RCC1: variants seen among roughly 807,000 people sequenced by gnomAD.
The protein encoded by RCC1 is regulator of chromosome condensation.
A neutral mutation model predicts 44.4 loss-of-function variants in RCC1; 11 were observed. That is an observed-to-expected ratio of 0.25 (90% CI 0.16 to 0.41). RCC1 has a LOEUF of 0.41. Among genes scored for constraint, RCC1 ranks in the 10% least tolerant of loss-of-function variants. The pLI is 1.00. For missense variants in RCC1, 386 were observed against 547.1 expected (o/e 0.71, Z 2.94); for synonymous variants, 213 against 216.5 (o/e 0.98, Z 0.14).
chr1:28,535,829 G>A, intron 9 of RCC1, 42 bp from the exon 10 acceptor site: 1 of 1,589,460 alleles, frequency 6.3e-7, no homozygotes, highest in South Asian at 1.1e-5. Context: ...GAAGCCATGT[G>A]TGTCTGTCTG....
At chr1:28,521,080 A>G (rs1333924463) in intron 4 of RCC1, among the ~76,000 whole-genome samples, 2 of 151,912 alleles carry the variant, frequency 1.3e-5, no homozygotes, top group African/African-American at 4.8e-5. Context: ...CTCCATCTCA[A>G]AAAGAAGAAA....
rs779251706 is a variant in RCC1 at position 28,508,170 on chromosome 1, TCTG to T, written c.-229+13_-229+15del. 134 of 443,936 alleles carry T rather than the reference TCTG, an allele frequency of 3.0e-4. No individual in the cohort carries two copies. The highest frequency in any genetic ancestry group is 5.1e-4 in the Non-Finnish European group (111 of 217,836). The allele number at this position is 443,936 out of a possible 1,614,324, so 27.5% of individuals were successfully genotyped here. On this transcript the variant is annotated intron_variant, in intron 2 of 12. Transcript: ENST00000683442. Reference sequence around the variant, plus strand: ...AAGTAACTCTTATTTGGTGAGTAAATCTGCTAATTGTTTTTTGCTTATCAGCTC... The same window carrying T: ...AAGTAACTCTTATTTGGTGAGTAAATCTAATTGTTTTTTGCTTATCAGCTC...
rs967760219 is a variant in RCC1 at position 28,516,839 on chromosome 1, A to G, written c.-38A>G. The G allele has an allele frequency of 6.6e-6, 3 of 456,588 alleles. No individual in the cohort carries two copies. Among genetic ancestry groups the G allele is most frequent in the African/African-American group, 2.0e-5 (1 of 50,066 alleles). 28.3% of individuals were successfully genotyped at this position (456,588 alleles called of 1,614,324 possible). A position where few individuals can be genotyped will look rare whatever the true frequency, so the allele number is the denominator to read the frequency against. ...AGTACATCATCCAAAAGAGGAGTCC[A>G]TGATGGAGGCAGAGGTAAACTTGGA... On this transcript the variant is annotated 5_prime_UTR_variant, in exon 4 of 13. An upstream start codon of the reference 5' UTR is lost. Transcript: ENST00000683442.
At chr1:28,509,613 A>G (rs550114091) in intron 3 of RCC1, 17 of 152,310 alleles carry the variant, frequency 1.1e-4, no homozygotes, top group African/African-American at 3.6e-4. Flanking sequence ...TGTATTTATG[A>G]ATTAAAATAA....
chr1:28,532,727 G>T, intron 7 of RCC1: 1 of 474,792 alleles, frequency 2.1e-6, no homozygotes, highest in South Asian at 1.5e-5. Flanking sequence ...AGGTGTGGAG[G>T]CAGGGATTGT....
At chr1:28,530,924 G>A (rs1451810362) in intron 5 of RCC1, among the ~76,000 whole-genome samples, 4 of 152,180 alleles carry the variant, frequency 2.6e-5, no homozygotes, top group African/African-American at 7.2e-5. Flanking sequence ...TGGAGACTGG[G>A]GATTGTTCTC....
Position 28,535,278 on chromosome 1 carries a change from C to G in RCC1, c.559C>G (p.Leu187Val). 1 of 1,614,168 alleles carries G rather than the reference C, an allele frequency of 6.2e-7. No individual in the cohort carries two copies. Among genetic ancestry groups the G allele is most frequent in the South Asian group, 1.1e-5 (1 of 91,086 alleles). Residue 187 changes from leucine to valine, a missense_variant, in exon 9 of 13, where the codon CTG (leucine) becomes GTG (valine). Transcript: ENST00000683442. ...VASGNDHLVM[L>V]TADGDLYTLG... ...CTTAGGAAACGACCACTTGGTGATGCTGACAGCTGATGGTGACCTCTACAC... is the reference window on the plus strand; with the variant it reads ...CTTAGGAAACGACCACTTGGTGATGGTGACAGCTGATGGTGACCTCTACAC...
At chr1:28,521,269 A>T (rs543594276) in intron 4 of RCC1, among the ~76,000 whole-genome samples, 3 of 151,664 alleles carry the variant, frequency 2.0e-5, no homozygotes, top group Admixed American at 1.3e-4. Flanking sequence ...TGGGAGGCCG[A>T]GGTGGGTGGA....
At chr1:28,523,399 A>G (rs1663427404) in intron 4 of RCC1, among the ~76,000 whole-genome samples, 1 of 152,020 alleles carries the variant, frequency 6.6e-6, no homozygotes, top group Non-Finnish European at 1.5e-5. Context: ...TTCTCTTCCA[A>G]TCTTGAGTGA....
At position 28,536,434 on chromosome 1, in the gene RCC1, G is replaced by A; in HGVS notation, c.937+53G>A. The A allele has an allele frequency of 1.3e-6, 2 of 1,582,204 alleles. No individual in the cohort carries two copies. Among genetic ancestry groups the A allele is most frequent in the African/African-American group, 1.4e-5 (1 of 74,070 alleles). On this transcript the variant is annotated intron_variant, in intron 11 of 12. Coordinates refer to ENST00000683442, the MANE Select transcript of RCC1 (RefSeq NM_001381865.2). This position sits in a 1 kb window ranked among gnomAD's most constrained non-coding sequence, Gnocchi z 4.9. ...TGGGGGTGGAGTGTTCCCTGGCCTAGGCCTAGCCAGATTCCTGAGACCATG... is the reference window on the plus strand; with the variant it reads ...TGGGGGTGGAGTGTTCCCTGGCCTAAGCCTAGCCAGATTCCTGAGACCATG...
intron 3 of RCC1, among the ~76,000 whole-genome samples, chr1:28,511,818 G>A (rs1335024843): frequency 1.3e-5 from 2 of 149,094 alleles, no homozygotes; most frequent in Non-Finnish European, 3.0e-5. Context: ...ACGCCACCAT[G>A]CCCGGCTAAT....
rs1490698717 is a variant in RCC1 at position 28,511,468 on chromosome 1, T to G, written c.-153+2563T>G. 3.3e-5 allele frequency among the ~76,000 whole-genome samples: 5 copies of G among 151,016 alleles called. No individual in the cohort carries two copies. In the Admixed American group the frequency reaches 3.3e-4, roughly 10 times the overall value. ...CAGGCTGGAGTGCAGTGGCACAATCTCAGCTCACTGCAAGCTCAGCCTCCC... is the reference window on the plus strand; with the variant it reads ...CAGGCTGGAGTGCAGTGGCACAATCGCAGCTCACTGCAAGCTCAGCCTCCC... On this transcript the variant is annotated intron_variant, in intron 3 of 12. Coordinates refer to ENST00000683442, the MANE Select transcript of RCC1 (RefSeq NM_001381865.2).
At chr1:28,528,214 G>C (rs998343738) in intron 4 of RCC1, among the ~76,000 whole-genome samples, 1 of 152,102 alleles carries the variant, frequency 6.6e-6, no homozygotes, top group African/African-American at 2.4e-5. Flanking sequence ...CCAGCACTTT[G>C]GGAGGCCAAG....
intron 4 of RCC1, chr1:28,518,247 T>C (rs1468963768): frequency 1.3e-5 from 2 of 152,132 alleles, no homozygotes; most frequent in Non-Finnish European, 2.9e-5. Context: ...GAGCGCATGC[T>C]CTGGGGCAGT....
intron 4 of RCC1, among the ~76,000 whole-genome samples, chr1:28,521,411 G>A (rs1233023557): frequency 6.7e-6 from 1 of 150,194 alleles, no homozygotes; most frequent in African/African-American, 2.5e-5. Context: ...TGAGGCAGGA[G>A]AATGGCGTGA....
chr1:28,535,728 CA>C (rs1370309752), intron 9 of RCC1, 142 bp from the exon 10 acceptor site: 6 of 934,888 alleles, frequency 6.4e-6, no homozygotes, highest in Non-Finnish European at 1.0e-5. Flanking sequence ...CTCTTGATCT[CA>C]GTTTCCTTTT....
At chr1:28,530,684 G>A (rs896055480) in intron 5 of RCC1, 80 of 1,343,010 alleles carry the variant, frequency 6.0e-5, no homozygotes, top group Non-Finnish European at 2.8e-5. Context: ...ACATCCTCGG[G>A]GGAGGGGCTG....
Position 28,516,786 on chromosome 1 carries a change from C to T in RCC1, c.-91C>T, listed in dbSNP as rs1327218818. ...GAGAGAGAGAGAGAGATCAGAGATC[C>T]CAGGGTTAAAAGTTGGAGAAATTTC... On this transcript the variant is annotated 5_prime_UTR_variant, in exon 4 of 13. Coordinates refer to ENST00000683442, the MANE Select transcript of RCC1 (RefSeq NM_001381865.2). 3 of 455,264 alleles carry T rather than the reference C, an allele frequency of 6.6e-6. No homozygotes were observed. The highest frequency in any genetic ancestry group is 2.0e-5 in the African/African-American group (1 of 49,826). 28.2% of individuals were successfully genotyped at this position (455,264 alleles called of 1,614,324 possible). A position where few individuals can be genotyped will look rare whatever the true frequency, so the allele number is the denominator to read the frequency against.
chr1:28,526,248 G>A, intron 4 of RCC1: 1 of 192,084 alleles, frequency 5.2e-6, no homozygotes, highest in Non-Finnish European at 1.1e-5. Context: ...TTGTGCCACT[G>A]CACTTGAGCC....
Sources: allele counts gnomAD v4.1 joint callset (sites outside exome capture counted in the v4.1 genomes callset), GRCh38; gene constraint gnomAD v4.1.1; non-coding constraint Gnocchi (gnomAD v3.1); transcripts MANE v1.5; gene names NCBI Gene and HGNC (gene_info 2026-07-23, HGNC 2026-07-21).